Variants in GPC6 observed in about 807,000 individuals in gnomAD.
GPC6 encodes glypican-6.
A neutral mutation model predicts 55.2 loss-of-function variants in GPC6; 14 were observed. That is an observed-to-expected ratio of 0.25 (90% CI 0.17 to 0.40). GPC6 has a LOEUF of 0.40. Among genes scored for constraint, GPC6 ranks in the 10% least tolerant of loss-of-function variants. The pLI, the probability that GPC6 is intolerant of heterozygous loss-of-function variation, is 1.00. For missense variants in GPC6, 641 were observed against 708.5 expected (o/e 0.90, Z 1.08); for synonymous variants, 278 against 259.6 (o/e 1.07, Z -0.68).
intron 3 of GPC6, among the ~76,000 whole-genome samples, chr13:94,022,528 A>G (rs1034662193): frequency 1.3e-5 from 2 of 152,062 alleles, no homozygotes; most frequent in African/African-American, 4.8e-5. Flanking sequence ...GCTATTGTGA[A>G]TAAAGCTGCA....
intron 1 of GPC6, among the ~76,000 whole-genome samples, chr13:93,441,105 T>C (rs1877781515): frequency 6.6e-6 from 1 of 152,216 alleles, no homozygotes; most frequent in Admixed American, 6.5e-5. Flanking sequence ...TGATGGACAT[T>C]TGGGTTGGTT....
At chr13:94,091,022 G>A (rs1217774063) in intron 4 of GPC6, among the ~76,000 whole-genome samples, 2 of 152,132 alleles carry the variant, frequency 1.3e-5, no homozygotes, top group Non-Finnish European at 2.9e-5. Context: ...GTCACAAAAT[G>A]TCAGTCAATG....
chr13:93,499,083 CTTAA>C (rs904622343), intron 1 of GPC6, among the ~76,000 whole-genome samples: 1 of 111,750 alleles, frequency 8.9e-6, no homozygotes, highest in African/African-American at 3.4e-5. Context: ...ATCCACAATC[CTTAA>C]TTGTCACACA....
Position 93,400,474 on chromosome 13 carries a change from G to C in GPC6, c.161-144789G>C, listed in dbSNP as rs564376600. The stretch of plus-strand genomic sequence containing the variant: ...GGAAGGGTAGTGGCGGGGACAGGGT[G>C]GGGGGAGGTGGGGATGGTTAATGGA... On this transcript the variant is annotated intron_variant, in intron 1 of 8. Transcript: ENST00000377047. 3.0e-3 allele frequency among the ~76,000 whole-genome samples: 237 copies of C among 79,822 alleles called. 1 individual carries two copies. Among genetic ancestry groups the C allele is most frequent in the Non-Finnish European group, 4.5e-3 (154 of 34,526 alleles). 52.4% of individuals were successfully genotyped at this position (79,822 alleles called of 152,430 possible).
At chr13:94,104,948 C>T (rs996527480) in intron 4 of GPC6, among the ~76,000 whole-genome samples, 9 of 152,058 alleles carry the variant, frequency 5.9e-5, no homozygotes, top group Non-Finnish European at 1.0e-4. Context: ...ACTTTCTTCA[C>T]AGAATTGGAA....
At chr13:94,069,539 T>C (rs144453405) in intron 4 of GPC6, among the ~76,000 whole-genome samples, 53 of 152,308 alleles carry the variant, frequency 3.5e-4, no homozygotes, top group African/African-American at 1.3e-3. Context: ...TAGCACATTG[T>C]CAGACTGTAA....
chr13:93,498,068 G>A (rs193147179), intron 1 of GPC6, among the ~76,000 whole-genome samples: 2 of 152,288 alleles, frequency 1.3e-5, no homozygotes, highest in East Asian at 1.9e-4. Flanking sequence ...TGCCCCAGGT[G>A]GCCGTACTTT....
chr13:93,741,117 CTTTTTTTTTTTTT>C (rs772541106), intron 2 of GPC6, among the ~76,000 whole-genome samples: 5 of 77,184 alleles, frequency 6.5e-5, no homozygotes, highest in Non-Finnish European at 1.2e-4. Context: ...CATCCAGAAT[CTTTTTTTTTTTTT>C]TTTTTTTTTT....
rs140747805 is a variant in GPC6 at position 93,978,797 on chromosome 13, G to A, written c.712-48932G>A. Among the ~76,000 whole-genome samples, 209 of 152,096 alleles carry A rather than the reference G, an allele frequency of 1.4e-3. 1 individual carries two copies. The highest frequency in any genetic ancestry group is 5.0e-3 in the African/African-American group (207 of 41,498). On this transcript the variant is annotated intron_variant, in intron 3 of 8. Transcript: ENST00000377047. ...AGACTTATTTATTTAAAATGCAGCT[G>A]AAATCACTTTGTATGTTTAATTTCT...
chr13:94,086,757 A>C (rs7317314), intron 4 of GPC6, among the ~76,000 whole-genome samples: 26,035 of 152,066 alleles, frequency 0.17, 2,804 homozygotes, highest in South Asian at 0.26. Context: ...TAAAAACACC[A>C]CTAGAAAACC....
chr13:93,351,067 C>T (rs186834471), intron 1 of GPC6, among the ~76,000 whole-genome samples: 1 of 152,100 alleles, frequency 6.6e-6, no homozygotes, highest in African/African-American at 2.4e-5. Flanking sequence ...TAATGTAATA[C>T]TACTTGGTAT....
chr13:94,204,183 C>G (rs1008843458), intron 4 of GPC6, among the ~76,000 whole-genome samples: 1 of 152,106 alleles, frequency 6.6e-6, no homozygotes, highest in African/African-American at 2.4e-5. Context: ...TCAAATCCTT[C>G]TATATACAAA....
intron 4 of GPC6, among the ~76,000 whole-genome samples, chr13:94,065,023 C>T (rs1301561244): frequency 6.6e-6 from 1 of 152,070 alleles, no homozygotes; most frequent in East Asian, 1.9e-4. Flanking sequence ...TTAGCATTTT[C>T]ATAAACACCT....
At chr13:93,985,401 CACT>C (rs1566634826) in intron 3 of GPC6, among the ~76,000 whole-genome samples, 1 of 151,992 alleles carries the variant, frequency 6.6e-6, no homozygotes. Context: ...CACACCACTG[CACT>C]CCAGCCCGGG....
At chr13:93,687,885 G>A (rs1243637272) in intron 2 of GPC6, among the ~76,000 whole-genome samples, 3 of 148,110 alleles carry the variant, frequency 2.0e-5, no homozygotes, top group Non-Finnish European at 3.0e-5. Context: ...TAGGATTTTT[G>A]TGTGTTTGGC....
chr13:93,530,065 A>G (rs182695680), intron 1 of GPC6, among the ~76,000 whole-genome samples: 11 of 152,326 alleles, frequency 7.2e-5, no homozygotes, highest in Admixed American at 7.2e-4. Flanking sequence ...CACAGTTCGT[A>G]ATTACTAGTT....
intron 1 of GPC6, among the ~76,000 whole-genome samples, chr13:93,349,572 T>A (rs920029452): frequency 3.3e-5 from 5 of 152,184 alleles, no homozygotes; most frequent in Non-Finnish European, 2.9e-5. Flanking sequence ...ATACCAAAGT[T>A]TAAAACTTTT....
In GPC6 at chr13:93,908,388, G is replaced by C. The variant is rs201050839; in HGVS notation, c.711+77843G>C. Among the ~76,000 whole-genome samples the C allele has an allele frequency of 7.2e-5, 11 of 152,310 alleles. No homozygotes were observed. In the East Asian group the frequency reaches 1.9e-3, roughly 27 times the overall value. On this transcript the variant is annotated intron_variant, in intron 3 of 8. Transcript: ENST00000377047. ...TAGAGCACAAATGAGTCCACCTACT[G>C]TATTTTGGAAATGACAGGTCATGTA...
chr13:93,899,598 A>T (rs1876231779), intron 3 of GPC6, among the ~76,000 whole-genome samples: 1 of 152,166 alleles, frequency 6.6e-6, no homozygotes, highest in Non-Finnish European at 1.5e-5. Flanking sequence ...ATGCATATAC[A>T]TACACAGGAA....
Sources: allele counts gnomAD v4.1 joint callset (sites outside exome capture counted in the v4.1 genomes callset), GRCh38; gene constraint gnomAD v4.1.1; transcripts MANE v1.5; gene names NCBI Gene and HGNC (gene_info 2026-07-23, HGNC 2026-07-21).